The following CEP350 variants were observed in gnomAD, a reference collection of about 807,000 sequenced individuals.
CEP350 encodes centrosome-associated protein 350.
A neutral mutation model predicts 331.8 loss-of-function variants in CEP350; 126 were observed. That is an observed-to-expected ratio of 0.38 (90% CI 0.33 to 0.44). The LOEUF (loss-of-function observed/expected upper bound fraction) is 0.44, where lower values mean the gene tolerates loss of function less well. CEP350 is among the 20% of genes least tolerant of loss of function. CEP350 has a pLI of 1.00. For missense variants in CEP350, 3,406 were observed against 3,634.6 expected, an observed-to-expected ratio of 0.94 and a Z score of 1.62; for synonymous variants, 1,200 against 1,259.5, an observed-to-expected ratio of 0.95 and a Z score of 1.00.
intron 21 of CEP350, 106 bp downstream of exon 21, chr1:180,044,279 G>C (rs1656970156): frequency 3.5e-6 from 4 of 1,148,890 alleles, no homozygotes; most frequent in Non-Finnish European, 4.6e-6. Flanking sequence ...AAATAGAACA[G>C]TGTGTGCCCT....
intron 14 of CEP350, among the ~76,000 whole-genome samples, chr1:180,028,473 T>A (rs926699721): frequency 3.3e-5 from 5 of 152,174 alleles, no homozygotes; most frequent in African/African-American, 1.2e-4. Context: ...TCTTCTGGTA[T>A]GATATACTGC....
chr1:180,109,119 T>TTC (rs1196741181), intron 37 of CEP350, among the ~76,000 whole-genome samples: 2 of 122,230 alleles, frequency 1.6e-5, no homozygotes, highest in African/African-American at 5.5e-5. Context: ...CCTCTTCACT[T>TTC]TCTCTTTTTT....
rs763402779 is a variant in CEP350 at position 180,037,030 on chromosome 1, A to G, written c.4051A>G (p.Arg1351Gly). The G allele has an allele frequency of 4.4e-6, 7 of 1,605,384 alleles. No homozygotes were observed. In the South Asian group the frequency reaches 5.6e-5, roughly 13 times the overall value. Residue 1351 changes from arginine to glycine, a missense_variant, in exon 17 of 38, where the codon AGA (arginine) becomes GGA (glycine). Transcript: ENST00000367607. Reference protein sequence around the residue: ...ESVRQLSDVERVRGISLAQQE... With the variant: ...ESVRQLSDVEGVRGISLAQQE... ...GGTGCGCCAACTGTCAGATGTAGAA[A>G]GAGTTAGAGGCATTTCACTTGCTCA...
intron 16 of CEP350, 138 bp downstream of exon 16, chr1:180,034,220 AC>A: frequency 8.8e-7 from 1 of 1,142,492 alleles, no homozygotes; most frequent in Non-Finnish European, 1.2e-6. Flanking sequence ...AGTATTAAAA[AC>A]TGCAAGAAAT....
intron 17 of CEP350, among the ~76,000 whole-genome samples, 198 bp downstream of exon 17, chr1:180,037,287 T>G (rs1447051061): frequency 6.6e-6 from 1 of 152,148 alleles, no homozygotes; most frequent in Non-Finnish European, 1.5e-5. Flanking sequence ...AATAATAAAA[T>G]CATTCTCTCT....
chr1:180,047,300 T>C (rs779877923), intron 21 of CEP350, among the ~76,000 whole-genome samples: 5 of 152,174 alleles, frequency 3.3e-5, no homozygotes, highest in Non-Finnish European at 5.9e-5. Context: ...TACGTTTCGT[T>C]TGTTGGCTGA....
In CEP350 at chr1:179,956,975, C is replaced by T. The variant is rs528224709; in HGVS notation, c.-14+1833C>T. Among the ~76,000 whole-genome samples the T allele has an allele frequency of 7.2e-5, 11 of 152,218 alleles. No individual in the cohort carries two copies. The East Asian group carries it at 2.1e-3, about 29-fold the overall frequency. On this transcript the variant is annotated intron_variant, in intron 1 of 37. Transcript: ENST00000367607. The stretch of plus-strand genomic sequence containing the variant: ...TATTTTTGTTCCTTTTTACATGCCA[C>T]TTGCCCCTTATGCTGATGATCGTCA...
chr1:180,064,151 T>C (rs1236274374), intron 26 of CEP350, among the ~76,000 whole-genome samples: 3 of 152,282 alleles, frequency 2.0e-5, no homozygotes, highest in African/African-American at 7.2e-5. Flanking sequence ...CTCTGGCTCT[T>C]GTGCTAGGAA....
chr1:179,988,275 C>T (rs967910829), intron 3 of CEP350, among the ~76,000 whole-genome samples: 1 of 144,474 alleles, frequency 6.9e-6, no homozygotes, highest in South Asian at 2.2e-4. Context: ...CTAGCCTGGG[C>T]GACAGAGTGA....
chr1:180,099,673 A>G (rs1435846862), intron 37 of CEP350, among the ~76,000 whole-genome samples: 1 of 152,104 alleles, frequency 6.6e-6, no homozygotes, highest in Non-Finnish European at 1.5e-5. Flanking sequence ...TAAATTTATC[A>G]CCGTTCTCAT....
At chr1:180,019,857 G>T in intron 11 of CEP350, 92 bp from the exon 12 acceptor site, 1 of 1,116,120 alleles carries the variant, frequency 9.0e-7, no homozygotes, top group Non-Finnish European at 1.2e-6. Context: ...TTTTGTTGCA[G>T]TGCATCCTCA....
chr1:180,052,748 A>G (rs1657593166), intron 22 of CEP350, among the ~76,000 whole-genome samples: 1 of 152,096 alleles, frequency 6.6e-6, no homozygotes, highest in Non-Finnish European at 1.5e-5. Context: ...TTTTTGCAAC[A>G]TTAATCTTTA....
At chr1:179,988,319 A>T (rs1652796576) in intron 3 of CEP350, among the ~76,000 whole-genome samples, 1 of 152,028 alleles carries the variant, frequency 6.6e-6, no homozygotes, top group Non-Finnish European at 1.5e-5. Context: ...AAAAAATTTA[A>T]AACAGAGGAT....
At chr1:179,961,072 TAAAA>T (rs1650570314) in intron 1 of CEP350, among the ~76,000 whole-genome samples, 1 of 152,156 alleles carries the variant, frequency 6.6e-6, no homozygotes. Flanking sequence ...TTTTTTTAAA[TAAAA>T]AGAATAGATG....
chr1:180,069,740 T>C (rs1658773860), intron 27 of CEP350, among the ~76,000 whole-genome samples: 1 of 152,200 alleles, frequency 6.6e-6, no homozygotes, highest in Non-Finnish European at 1.5e-5. Flanking sequence ...CCTGTTTTTA[T>C]ATTATTAAAG....
chr1:180,112,465 C>T lies in CEP350; in HGVS notation c.*1304C>T, dbSNP rs1160139168. 1 of 152,576 alleles carries T rather than the reference C, an allele frequency of 6.6e-6. No individual in the cohort carries two copies. The highest frequency in any genetic ancestry group is 1.5e-5 in the Non-Finnish European group (1 of 68,040). The allele number at this position is 152,576 out of a possible 1,614,324, so 9.5% of individuals were successfully genotyped here. On this transcript the variant is annotated 3_prime_UTR_variant, in exon 38 of 38. Transcript: ENST00000367607. ...TGCTTCTCACAACTATTACCTGCAT[C>T]TGAAAAAAAATCTATAGACTCCAGC...
chr1:180,090,221 G>A (rs998497752), intron 32 of CEP350, among the ~76,000 whole-genome samples: 2 of 152,120 alleles, frequency 1.3e-5, no homozygotes, highest in Non-Finnish European at 2.9e-5. Flanking sequence ...ACAAAGGCAA[G>A]GTCATCTAGT....
chr1:180,040,324 A>T (rs1656677418), intron 17 of CEP350, among the ~76,000 whole-genome samples: 2 of 152,128 alleles, frequency 1.3e-5, no homozygotes, highest in Non-Finnish European at 2.9e-5. Context: ...TTGAAATCTG[A>T]GTCAGCACTG....
In CEP350 at chr1:180,095,910, A is replaced by G. The variant is rs1205694880; in HGVS notation, c.8899A>G (p.Ser2967Gly). ...TAAAGGTCTAGATATAGAAAGCACT[A>G]GTAAAAGGGTCTACAAACAGGTAGG... is the stretch of plus-strand genomic sequence containing the variant. ...ASKGLDIESTSKRVYKQAVFD... is the reference protein window; with the variant it reads ...ASKGLDIESTGKRVYKQAVFD... Residue 2967 changes from serine (S) to glycine (G), a missense_variant, in exon 35 of 38, where the codon AGT becomes GGT. Ser to Gly is a moderately conservative substitution (Grantham distance 56, BLOSUM62 0). Coordinates refer to ENST00000367607, the MANE Select transcript of CEP350 (RefSeq NM_014810.5). 3 of 1,601,240 alleles carry G rather than the reference A, an allele frequency of 1.9e-6. No individual in the cohort carries two copies. The highest frequency in any genetic ancestry group is 2.6e-6 in the Non-Finnish European group (3 of 1,175,122).
Sources: gnomAD v4.1 joint callset for allele counts (sites outside exome capture counted in the v4.1 genomes callset) on GRCh38, gnomAD v4.1.1 for gene constraint, MANE v1.5 for transcripts, NCBI Gene and HGNC (gene_info 2026-07-23, HGNC 2026-07-21) for gene names.